The following TBC1D22A variants were observed in gnomAD, a reference collection of about 807,000 sequenced individuals.
TBC1D22A encodes putative GTPase activator.
In TBC1D22A, 38 loss-of-function variants were observed where a neutral mutation model predicts 60.2. The observed-to-expected ratio is 0.63, with a 90% CI of 0.49 to 0.83. The LOEUF (loss-of-function observed/expected upper bound fraction) is 0.83. TBC1D22A is among the 40% of genes least tolerant of loss of function. The probability of loss-of-function intolerance (pLI) is 0.00; values close to 1 mark genes in which losing one functional copy is unlikely to be tolerated. For synonymous variants in TBC1D22A, 302 were observed against 281.7 expected, an observed-to-expected ratio of 1.07 and a Z score of -0.72; for missense variants, 628 against 701.0, an observed-to-expected ratio of 0.90 and a Z score of 1.18.
chr22:46,959,930 C>T (rs2073406563), intron 8 of TBC1D22A, among the ~76,000 whole-genome samples: 1 of 152,196 alleles, frequency 6.6e-6, no homozygotes, highest in South Asian at 2.1e-4. Context: ...CTTCAGACAC[C>T]TCTGAAAGTC....
intron 9 of TBC1D22A, among the ~76,000 whole-genome samples, chr22:46,991,659 C>G (rs2074944933): frequency 6.6e-6 from 1 of 152,226 alleles, no homozygotes; most frequent in South Asian, 2.1e-4. Context: ...TCCATTGTTT[C>G]TACATCATCT....
chr22:47,035,229 C>T (rs1198840759), intron 10 of TBC1D22A, among the ~76,000 whole-genome samples: 1 of 152,240 alleles, frequency 6.6e-6, no homozygotes, highest in African/African-American at 2.4e-5. Context: ...CCTCCGGGGC[C>T]TGCCTGGCCT....
At chr22:46,891,821 T>G (rs917823710) in intron 6 of TBC1D22A, among the ~76,000 whole-genome samples, 2 of 152,148 alleles carry the variant, frequency 1.3e-5, no homozygotes, top group African/African-American at 2.4e-5. Context: ...GCTGGGCTCT[T>G]CGGTCTAGGT....
chr22:46,781,716 C>G (rs535279479), intron 1 of TBC1D22A, among the ~76,000 whole-genome samples: 1 of 152,194 alleles, frequency 6.6e-6, no homozygotes. Context: ...TGGCCTGCCC[C>G]GGAGTATCTT....
At chr22:47,074,202 T>C (rs189001950) in intron 11 of TBC1D22A, among the ~76,000 whole-genome samples, 33 of 152,368 alleles carry the variant, frequency 2.2e-4, no homozygotes, top group Non-Finnish European at 1.5e-5. Context: ...ATGTGGACGA[T>C]GCGTGTCCTA....
At chr22:47,090,367 C>A (rs894879588) in intron 11 of TBC1D22A, among the ~76,000 whole-genome samples, 1 of 152,264 alleles carries the variant, frequency 6.6e-6, no homozygotes, top group Non-Finnish European at 1.5e-5. Flanking sequence ...GGTGCATAGA[C>A]ATTTCTGCCT....
In TBC1D22A at chr22:47,144,735, GCCT is replaced by G. The variant is rs1278760328; in HGVS notation, c.1426-28762_1426-28760del. ...GGGACTGGGTGCAGCCCGTGAAGGT[GCCT>G]GCTGGCTGAGATCCTGGGACTGGGT... On this transcript the variant is annotated intron_variant, in intron 12 of 12. Transcript: ENST00000337137. Among the ~76,000 whole-genome samples the G allele has an allele frequency of 1.3e-3, 181 of 140,996 alleles. 88 individuals are homozygous for G. The highest frequency in any genetic ancestry group is 2.2e-3 in the Admixed American group (32 of 14,304). The allele number at this position is 140,996 out of a possible 152,430, so 92.5% of individuals were successfully genotyped here. A position where few individuals can be genotyped will look rare whatever the true frequency, so the allele number is the denominator to read the frequency against.
chr22:46,917,048 C>A (rs896575927), intron 8 of TBC1D22A, among the ~76,000 whole-genome samples: 12 of 152,198 alleles, frequency 7.9e-5, no homozygotes, highest in Admixed American at 5.9e-4. Context: ...CTTGTTCTTG[C>A]AGATTGCGTC....
At chr22:47,151,852 C>T (rs896483481) in intron 12 of TBC1D22A, among the ~76,000 whole-genome samples, 3 of 152,216 alleles carry the variant, frequency 2.0e-5, no homozygotes, top group Middle Eastern at 3.2e-3. Flanking sequence ...AGGACCCCTT[C>T]GCGGTGTGGA....
intron 1 of TBC1D22A, chr22:46,789,407 C>A: frequency 2.2e-6 from 1 of 458,238 alleles, no homozygotes; most frequent in Non-Finnish European, 4.5e-6. Context: ...TTTCTGTGCT[C>A]CTGTGACATG....
intron 11 of TBC1D22A, among the ~76,000 whole-genome samples, chr22:47,081,375 A>G (rs2064461768): frequency 6.6e-6 from 1 of 152,216 alleles, no homozygotes; most frequent in African/African-American, 2.4e-5. Flanking sequence ...AGAGTCTCAC[A>G]TCTTACCTCA....
chr22:46,815,145 T>G (rs1184295117), intron 4 of TBC1D22A, among the ~76,000 whole-genome samples: 2 of 152,256 alleles, frequency 1.3e-5, no homozygotes, highest in Non-Finnish European at 2.9e-5. Context: ...ATGTTGTTTT[T>G]TATTTATTGT....
intron 9 of TBC1D22A, among the ~76,000 whole-genome samples, chr22:46,982,374 C>A (rs1175647974): frequency 6.6e-6 from 1 of 152,138 alleles, no homozygotes; most frequent in Non-Finnish European, 1.5e-5. Flanking sequence ...CAGGCACCCG[C>A]CTCCACGCCC....
In TBC1D22A at chr22:47,028,731, G is replaced by T. The variant is rs1220611208; in HGVS notation, c.1202-8340G>T. Among the ~76,000 whole-genome samples the T allele has an allele frequency of 2.0e-5, 3 of 152,238 alleles. No homozygotes were observed. The highest frequency in any genetic ancestry group is 4.4e-5 in the Non-Finnish European group (3 of 68,040). On this transcript the variant is annotated intron_variant, in intron 10 of 12. Coordinates refer to ENST00000337137, the MANE Select transcript of TBC1D22A (RefSeq NM_014346.5). The surrounding 1 kb of genome is among the most constrained non-coding windows in gnomAD (Gnocchi z 4.4). ...GACACGACGTTGACATTAAATGAAC[G>T]GTGGAGAAGTTATCTTGAGGGAATG...
intron 1 of TBC1D22A, among the ~76,000 whole-genome samples, chr22:46,782,932 G>T (rs1031818397): frequency 9.2e-5 from 14 of 152,164 alleles, no homozygotes; most frequent in Admixed American, 7.2e-4. Context: ...CAAGGTTTTG[G>T]TGTGGATGTG....
At chr22:47,131,527 G>A (rs1468904496) in intron 12 of TBC1D22A, among the ~76,000 whole-genome samples, 2 of 152,220 alleles carry the variant, frequency 1.3e-5, no homozygotes, top group African/African-American at 4.8e-5. Flanking sequence ...TGGGCTCCAT[G>A]TGATCTGTGA....
chr22:47,154,557 G>T (rs976506154), intron 12 of TBC1D22A, among the ~76,000 whole-genome samples: 3 of 152,220 alleles, frequency 2.0e-5, no homozygotes, highest in African/African-American at 7.2e-5. Context: ...CAGCGTGCCA[G>T]GCTGGCTCCC....
Position 47,001,027 on chromosome 22 carries a change from G to T in TBC1D22A, c.1201+3318G>T, listed in dbSNP as rs964113561. ...TCCCAAAGCTGGTTGTGGTTTGGGCGCCTCATGTAGTGCCTGCATCCAACC... is the reference window on the plus strand; with the variant it reads ...TCCCAAAGCTGGTTGTGGTTTGGGCTCCTCATGTAGTGCCTGCATCCAACC... On this transcript the variant is annotated intron_variant, in intron 10 of 12. Coordinates refer to ENST00000337137, the MANE Select transcript of TBC1D22A (RefSeq NM_014346.5). Among the ~76,000 whole-genome samples, 3 of 152,086 alleles carry T rather than the reference G, an allele frequency of 2.0e-5. 1 individual carries two copies. The South Asian group carries it at 6.2e-4, about 32-fold the overall frequency.
chr22:46,971,638 G>T (rs563883248), intron 8 of TBC1D22A, among the ~76,000 whole-genome samples: 1 of 152,230 alleles, frequency 6.6e-6, no homozygotes, highest in Non-Finnish European at 1.5e-5. Flanking sequence ...TAGGAAAGGC[G>T]TTACGAGGGG....
Sources: gnomAD v4.1 joint callset for allele counts (sites outside exome capture counted in the v4.1 genomes callset) on GRCh38, gnomAD v4.1.1 for gene constraint, Gnocchi (gnomAD v3.1) non-coding constraint, MANE v1.5 for transcripts, NCBI Gene and HGNC (gene_info 2026-07-23, HGNC 2026-07-21) for gene names.